Variants in GLDN observed in about 807,000 individuals in gnomAD.
The protein encoded by GLDN is collomin.
In GLDN, 47 loss-of-function variants were observed where a neutral mutation model predicts 56.5. That is an observed-to-expected ratio of 0.83 (90% CI 0.66 to 1.06). The LOEUF is 1.06. Among genes scored for constraint, GLDN ranks in the 50% least tolerant of loss-of-function variants. GLDN has a pLI of 0.00. For synonymous variants in GLDN, 332 were observed against 278.8 expected (o/e 1.19, Z -1.90); for missense variants, 782 against 714.3 (o/e 1.09, Z -1.08).
intron 1 of GLDN, among the ~76,000 whole-genome samples, chr15:51,376,155 T>G (rs962998325): frequency 5.9e-5 from 9 of 152,356 alleles, no homozygotes; most frequent in Admixed American, 2.0e-4. Flanking sequence ...TAGGCAATTT[T>G]GTTGTGTAAA....
intron 2 of GLDN, among the ~76,000 whole-genome samples, chr15:51,381,603 T>C (rs948318558): frequency 3.9e-5 from 6 of 152,256 alleles, no homozygotes; most frequent in African/African-American, 1.2e-4. Context: ...GCAGGCCCCC[T>C]GTTATCTGAA....
Position 51,369,929 on chromosome 15 carries a change from A to G in GLDN, c.364-7520A>G, listed in dbSNP as rs530355974. Among the ~76,000 whole-genome samples the G allele has an allele frequency of 9.2e-5, 14 of 152,300 alleles. No individual in the cohort carries two copies. In the South Asian group the frequency reaches 2.9e-3, roughly 32 times the overall value. ...CAAGGAGTTCAAGACCAGCCTAGAT[A>G]ACATAGAAAGATTCTATCACTACAA... On this transcript the variant is annotated intron_variant, in intron 1 of 9. Coordinates refer to ENST00000335449, the MANE Select transcript of GLDN (RefSeq NM_181789.4).
chr15:51,380,462 C>A (rs1263904723), intron 2 of GLDN, among the ~76,000 whole-genome samples: 1 of 152,206 alleles, frequency 6.6e-6, no homozygotes, highest in Admixed American at 6.5e-5. Flanking sequence ...CACATCATGG[C>A]ATTTGACATT....
intron 1 of GLDN, among the ~76,000 whole-genome samples, chr15:51,352,821 A>C (rs759679002): frequency 6.6e-6 from 1 of 152,222 alleles, no homozygotes; most frequent in African/African-American, 2.4e-5. Flanking sequence ...CTTTCCTCAA[A>C]GTAGGCTGAA....
intron 4 of GLDN, among the ~76,000 whole-genome samples, chr15:51,394,070 C>T (rs2038074368): frequency 6.6e-6 from 1 of 152,174 alleles, no homozygotes. Flanking sequence ...CACTGTAGGC[C>T]TTAGTTTCAA....
At position 51,406,034 on chromosome 15, in the gene GLDN, C is replaced by A. The variant is rs2038373771; in HGVS notation, c.*1280C>A. The A allele has an allele frequency of 6.6e-6, 1 of 152,136 alleles. No homozygotes were observed. The highest frequency in any genetic ancestry group is 1.5e-5 in the Non-Finnish European group (1 of 68,026). The allele number at this position is 152,136 out of a possible 1,614,324, so 9.4% of individuals were successfully genotyped here. The stretch of plus-strand genomic sequence containing the variant: ...GCCTGATTCTTGAAAAAATCAGAAC[C>A]AGAGCCTGTTTTGTTTTGTTCTAAA... On this transcript the variant is annotated 3_prime_UTR_variant, in exon 10 of 10. Transcript: ENST00000335449.
chr15:51,390,658 A>G (rs1162197961), intron 4 of GLDN, among the ~76,000 whole-genome samples: 1 of 152,202 alleles, frequency 6.6e-6, no homozygotes, highest in Non-Finnish European at 1.5e-5. Context: ...ATACTGCTGA[A>G]AATAAAACAT....
At chr15:51,404,131 C>G (rs1409976578) in intron 9 of GLDN, 146 bp from the exon 10 acceptor site, 15 of 674,024 alleles carry the variant, frequency 2.2e-5, no homozygotes, top group Admixed American at 1.7e-4. Context: ...ACCAGCAGAG[C>G]AGGCATTACC....
Position 51,401,760 on chromosome 15 carries a change from C to A in GLDN, c.1178+17C>A, listed in dbSNP as rs757218242. 6.2e-7 allele frequency: 1 copy of A among 1,608,432 alleles called. No homozygotes were observed. Among genetic ancestry groups the A allele is most frequent in the Non-Finnish European group, 8.5e-7 (1 of 1,176,700 alleles). On this transcript the variant is annotated intron_variant, in intron 9 of 9. Coordinates refer to ENST00000335449, the MANE Select transcript of GLDN (RefSeq NM_181789.4). ...CCTAGTGAGGTAAGTCGCACCACAGCACCTTCTCACGCCTCTCAGGCAGCA... is the reference window on the plus strand; with the variant it reads ...CCTAGTGAGGTAAGTCGCACCACAGAACCTTCTCACGCCTCTCAGGCAGCA...
At chr15:51,409,915 A>G (rs370834790), downstream of GLDN, among the ~76,000 whole-genome samples, 1 of 152,212 alleles carries the variant, frequency 6.6e-6, no homozygotes, top group South Asian at 2.1e-4. Flanking sequence ...ACTCCTTTTT[A>G]AAAAGCTATG....
Position 51,400,176 on chromosome 15 carries a change from ATTG to A in GLDN, c.818-11_818-9del, listed in dbSNP as rs2038216768. On this transcript the variant is annotated splice_polypyrimidine_tract_variant and intron_variant, in intron 6 of 9. Coordinates refer to ENST00000335449, the MANE Select transcript of GLDN (RefSeq NM_181789.4). ...GCCAACCGTATCGGCTCTGATGATT[ATTG>A]TTGTCATTTTAGGTGAGACTTGTGC... 1 of 1,611,142 alleles carries A rather than the reference ATTG, an allele frequency of 6.2e-7. No homozygotes were observed. Among genetic ancestry groups the A allele is most frequent in the Non-Finnish European group, 8.5e-7 (1 of 1,177,432 alleles).
downstream of GLDN, among the ~76,000 whole-genome samples, chr15:51,410,598 C>T (rs1283385399): frequency 6.6e-6 from 1 of 152,150 alleles, no homozygotes; most frequent in Non-Finnish European, 1.5e-5. Flanking sequence ...ATCCTAAGGG[C>T]TCTTCTTAAT....
rs145990844 is a variant in GLDN at position 51,372,764 on chromosome 15, C to A, written c.364-4685C>A. 6.6e-5 allele frequency among the ~76,000 whole-genome samples: 10 copies of A among 152,266 alleles called. No individual in the cohort carries two copies. In the South Asian group the frequency reaches 1.2e-3, roughly 19 times the overall value. The stretch of plus-strand genomic sequence containing the variant: ...AGCAGAGAAGTTCCAGGCCTGGGAC[C>A]GGGCACTATTCTAGACACAGGGTAC... On this transcript the variant is annotated intron_variant, in intron 1 of 9. Transcript: ENST00000335449.
intron 1 of GLDN, among the ~76,000 whole-genome samples, chr15:51,366,212 G>C (rs913796741): frequency 6.6e-6 from 1 of 152,220 alleles, no homozygotes; most frequent in Non-Finnish European, 1.5e-5. Context: ...GGAGAACACG[G>C]TCGGAGGCCA....
chr15:51,358,200 G>A (rs896779433), intron 1 of GLDN, among the ~76,000 whole-genome samples: 1 of 152,148 alleles, frequency 6.6e-6, no homozygotes, highest in African/African-American at 2.4e-5. Flanking sequence ...CAAGTCCAAA[G>A]GTCAATGAAT....
chr15:51,389,343 G>T (rs756224914), intron 4 of GLDN, among the ~76,000 whole-genome samples: 10 of 152,226 alleles, frequency 6.6e-5, no homozygotes, highest in Non-Finnish European at 1.0e-4. Flanking sequence ...ATGCATGAAT[G>T]AATGAATGAG....
At chr15:51,397,649 C>G in intron 6 of GLDN, 51 bp downstream of exon 6, 1 of 1,478,018 alleles carries the variant, frequency 6.8e-7, no homozygotes, top group Non-Finnish European at 9.0e-7. Flanking sequence ...TTATTCCAAA[C>G]TCTTGGTCTG....
At chr15:51,342,120 C>T (rs1376562325) in intron 1 of GLDN, 73 bp downstream of exon 1, 6 of 1,554,282 alleles carry the variant, frequency 3.9e-6, no homozygotes, top group Non-Finnish European at 3.5e-6. Context: ...AGGACGCCGA[C>T]GCCCTCTTCT....
intron 1 of GLDN, 135 bp from the exon 2 acceptor site, chr15:51,377,313 GT>G: frequency 1.5e-6 from 1 of 647,270 alleles, no homozygotes; most frequent in Non-Finnish European, 2.7e-6. Flanking sequence ...ACATCACTGC[GT>G]TTTCCTTGAA....
Sources: gnomAD v4.1 joint callset for allele counts (sites outside exome capture counted in the v4.1 genomes callset) on GRCh38, gnomAD v4.1.1 for gene constraint, MANE v1.5 for transcripts, NCBI Gene and HGNC (gene_info 2026-07-23, HGNC 2026-07-21) for gene names.